Variants in KATNIP observed in about 807,000 individuals in gnomAD.
The protein encoded by KATNIP is katanin-interacting protein.
In KATNIP, 126 loss-of-function variants were observed where a neutral mutation model predicts 174.0. The observed-to-expected ratio is 0.72, with a 90% CI of 0.63 to 0.84. KATNIP has a LOEUF of 0.84. Ranked by LOEUF, KATNIP falls within the 40% of genes least tolerant of loss-of-function variation. The pLI is 0.00. For synonymous variants in KATNIP, 810 were observed against 835.7 expected (o/e 0.97, Z 0.53); for missense variants, 1,958 against 2,109.7 (o/e 0.93, Z 1.41).
intron 13 of KATNIP, among the ~76,000 whole-genome samples, chr16:27,712,296 G>A (rs1429167835): frequency 6.6e-6 from 1 of 152,174 alleles, no homozygotes; most frequent in Admixed American, 6.5e-5. Context: ...CTGACGTGGG[G>A]CTTCCCTGCA....
intron 2 of KATNIP, among the ~76,000 whole-genome samples, chr16:27,612,714 G>T (rs569102961): frequency 2.5e-3 from 376 of 151,860 alleles, no homozygotes; most frequent in Non-Finnish European, 4.5e-3. Context: ...AGCCAAGATC[G>T]CACCACTGAA....
At chr16:27,658,720 T>C (rs1222911646) in intron 6 of KATNIP, among the ~76,000 whole-genome samples, 1 of 152,124 alleles carries the variant, frequency 6.6e-6, no homozygotes, top group African/African-American at 2.4e-5. Context: ...AGATAGCCCC[T>C]AAAAATATCT....
intron 2 of KATNIP, among the ~76,000 whole-genome samples, chr16:27,598,749 A>G (rs1442861902): frequency 6.6e-6 from 1 of 152,318 alleles, no homozygotes; most frequent in East Asian, 1.9e-4. Context: ...CCCAGGATGC[A>G]GACTCTGAGC....
chr16:27,751,963 A>G (rs773283943), intron 17 of KATNIP, 39 bp downstream of exon 17: 29 of 1,529,670 alleles, frequency 1.9e-5, no homozygotes, highest in Non-Finnish European at 2.5e-5. Context: ...GGACCCCCAG[A>G]TAGGTTTCTT....
At chr16:27,761,697 T>TCC (rs2081961753) in intron 19 of KATNIP, 107 bp downstream of exon 19, 7 of 998,298 alleles carry the variant, frequency 7.0e-6, no homozygotes, top group Non-Finnish European at 1.1e-5. Flanking sequence ...CATATGTCCC[T>TCC]CCCCTGGCCA....
chr16:27,668,157 T>C (rs996319178), intron 6 of KATNIP, among the ~76,000 whole-genome samples: 4 of 152,218 alleles, frequency 2.6e-5, no homozygotes, highest in African/African-American at 9.7e-5. Flanking sequence ...GACCAGTTGC[T>C]TCCAAGTTGG....
chr16:27,650,435 GT>G (rs2077087794), intron 6 of KATNIP, among the ~76,000 whole-genome samples: 1 of 152,214 alleles, frequency 6.6e-6, no homozygotes, highest in Admixed American at 6.5e-5. Flanking sequence ...CATCTCCATA[GT>G]TATGTAGAAG....
At chr16:27,582,040 C>T (rs1420670761) in intron 2 of KATNIP, among the ~76,000 whole-genome samples, 2 of 152,078 alleles carry the variant, frequency 1.3e-5, no homozygotes, top group Non-Finnish European at 2.9e-5. Context: ...AATTGCAGCA[C>T]CTCGATTTCT....
intron 1 of KATNIP, among the ~76,000 whole-genome samples, chr16:27,573,490 G>C (rs192807652): frequency 3.1e-4 from 47 of 152,360 alleles, no homozygotes; most frequent in Non-Finnish European, 6.5e-4. Flanking sequence ...TTGGGGGTTT[G>C]GTGCAGCACG....
chr16:27,574,038 C>A (rs1432772226), intron 2 of KATNIP, 82 bp downstream of exon 2: 2 of 1,210,000 alleles, frequency 1.7e-6, no homozygotes, highest in Non-Finnish European at 2.4e-6. Flanking sequence ...AATAAGTGTC[C>A]CTAAATATAC....
intron 6 of KATNIP, among the ~76,000 whole-genome samples, chr16:27,657,299 A>G (rs760172934): frequency 1.3e-5 from 2 of 152,158 alleles, no homozygotes; most frequent in African/African-American, 2.4e-5. Context: ...AATATACGTG[A>G]AGGGTATTTG....
chr16:27,615,827 G>A (rs1420795318), intron 2 of KATNIP, among the ~76,000 whole-genome samples: 1 of 152,144 alleles, frequency 6.6e-6, no homozygotes, highest in Admixed American at 6.6e-5. Context: ...GGTCTCTCTT[G>A]GGTAGGGTTC....
chr16:27,602,896 G>A (rs1325804188), intron 2 of KATNIP, among the ~76,000 whole-genome samples: 1 of 152,060 alleles, frequency 6.6e-6, no homozygotes, highest in African/African-American at 2.4e-5. Context: ...ACAGGGTTTC[G>A]CCATTTTGGC....
At chr16:27,696,943 G>A (rs2078933627) in intron 8 of KATNIP, among the ~76,000 whole-genome samples, 1 of 152,080 alleles carries the variant, frequency 6.6e-6, no homozygotes, top group African/African-American at 2.4e-5. Context: ...TGACCAGGCT[G>A]ATCTCGAACT....
At chr16:27,604,311 G>T (rs2075632408) in intron 2 of KATNIP, among the ~76,000 whole-genome samples, 1 of 152,082 alleles carries the variant, frequency 6.6e-6, no homozygotes, top group African/African-American at 2.4e-5. Context: ...TGTTACCCAG[G>T]CTAGTTTGAA....
intron 1 of KATNIP, among the ~76,000 whole-genome samples, chr16:27,562,858 T>A (rs1240578698): frequency 6.6e-6 from 1 of 152,248 alleles, no homozygotes; most frequent in Non-Finnish European, 1.5e-5. Flanking sequence ...GGTATTAAAC[T>A]GACTTTGTCA....
At chr16:27,672,010 C>T (rs769308751) in intron 6 of KATNIP, among the ~76,000 whole-genome samples, 1 of 152,068 alleles carries the variant, frequency 6.6e-6, no homozygotes, top group African/African-American at 2.4e-5. Context: ...GAGCCGAGAT[C>T]GTGTCACTGC....
At chr16:27,552,763 C>T (rs2089443966) in intron 1 of KATNIP, among the ~76,000 whole-genome samples, 1 of 144,198 alleles carries the variant, frequency 6.9e-6, no homozygotes, top group Admixed American at 7.3e-5. Flanking sequence ...GGCCTGATCT[C>T]GGCTCACCGC....
In KATNIP at chr16:27,684,692, C is replaced by G. The variant is rs149766980; in HGVS notation, c.940+3162C>G. Among the ~76,000 whole-genome samples the G allele has an allele frequency of 5.2e-4, 79 of 152,326 alleles. No individual in the cohort carries two copies. In the East Asian group the frequency reaches 0.015, roughly 28 times the overall value. On this transcript the variant is annotated intron_variant, in intron 8 of 27. Coordinates refer to ENST00000261588, the MANE Select transcript of KATNIP (RefSeq NM_015202.5). ...TGGCAAGGGCCATTTTCTGAAGGCA[C>G]TGGGGGGTAGTCCATTCCAGGCCTC...
Sources: allele counts gnomAD v4.1 joint callset (sites outside exome capture counted in the v4.1 genomes callset), GRCh38; gene constraint gnomAD v4.1.1; transcripts MANE v1.5; gene names NCBI Gene and HGNC (gene_info 2026-07-23, HGNC 2026-07-21).